The following CNTNAP2 variants were observed in gnomAD, a reference collection of about 807,000 sequenced individuals.
CNTNAP2 encodes the protein contactin-associated protein-like 2.
CNTNAP2 carries 98 observed loss-of-function variants against 155.2 expected under a neutral mutation model. That is an observed-to-expected ratio of 0.63 (90% CI 0.54 to 0.75). The LOEUF is 0.75. Among genes scored for constraint, CNTNAP2 ranks in the 30% least tolerant of loss-of-function variants. The probability of loss-of-function intolerance (pLI) is 0.00; values close to 1 mark genes in which losing one functional copy is unlikely to be tolerated. For missense variants in CNTNAP2, 1,727 were observed against 1,688.1 expected (o/e 1.02, Z -0.40); for synonymous variants, 651 against 631.2 (o/e 1.03, Z -0.47).
At chr7:146,478,342 C>T (rs971892446) in intron 1 of CNTNAP2, among the ~76,000 whole-genome samples, 2 of 151,920 alleles carry the variant, frequency 1.3e-5, no homozygotes, top group South Asian at 2.1e-4. Flanking sequence ...CAAACATGCA[C>T]ACAAACAAAA....
chr7:146,830,946 T>C, intron 2 of CNTNAP2, among the ~76,000 whole-genome samples: 1 of 152,222 alleles, frequency 6.6e-6, no homozygotes, highest in East Asian at 1.9e-4. Flanking sequence ...AGCCATTTTT[T>C]AATCTACCTA....
chr7:147,570,057 G>C (rs1303396087), intron 12 of CNTNAP2, among the ~76,000 whole-genome samples: 2 of 152,236 alleles, frequency 1.3e-5, no homozygotes, highest in Non-Finnish European at 2.9e-5. Flanking sequence ...TCCAGGAGGA[G>C]CTCTCTGACT....
intron 21 of CNTNAP2, among the ~76,000 whole-genome samples, chr7:148,298,770 C>T (rs2116495165): frequency 6.6e-6 from 1 of 152,292 alleles, no homozygotes; most frequent in Non-Finnish European, 1.5e-5. Context: ...TGGCTTACTG[C>T]AGCCTGAAGC....
intron 1 of CNTNAP2, among the ~76,000 whole-genome samples, chr7:146,252,085 C>T (rs978918474): frequency 1.4e-4 from 21 of 152,268 alleles, no homozygotes; most frequent in African/African-American, 4.1e-4. Flanking sequence ...CAGTTTTCAA[C>T]GCAGAGGACA....
intron 10 of CNTNAP2, among the ~76,000 whole-genome samples, chr7:147,464,878 A>G (rs533957421): frequency 8.5e-5 from 13 of 152,362 alleles, no homozygotes; most frequent in African/African-American, 2.9e-4. Context: ...AAGACTGTGT[A>G]AACAATCTTC....
intron 1 of CNTNAP2, among the ~76,000 whole-genome samples, chr7:146,369,522 G>A (rs1463640404): frequency 7.2e-5 from 11 of 152,132 alleles, no homozygotes; most frequent in South Asian, 2.1e-4. Flanking sequence ...AGGAATTTAC[G>A]TTTTCAGTTA....
intron 1 of CNTNAP2, among the ~76,000 whole-genome samples, chr7:146,692,262 A>G (rs1487855906): frequency 6.6e-6 from 1 of 152,146 alleles, no homozygotes; most frequent in Non-Finnish European, 1.5e-5. Context: ...TGAGCATGTA[A>G]AATGCATTTA....
In CNTNAP2 at chr7:148,302,580, G is replaced by A. The variant is rs113427154; in HGVS notation, c.3475+35454G>A. 2.8e-3 allele frequency among the ~76,000 whole-genome samples: 429 copies of A among 152,252 alleles called. 2 individuals carry two copies. The highest frequency in any genetic ancestry group is 9.8e-3 in the African/African-American group (409 of 41,558). On this transcript the variant is annotated intron_variant, in intron 21 of 23. Transcript: ENST00000361727. ...CCCATGTGTCAAGGGGGGACCTGGT[G>A]GGAGATGGTTGGATCATGAGGGTGG...
At chr7:146,490,215 A>G (rs908851240) in intron 1 of CNTNAP2, among the ~76,000 whole-genome samples, 3 of 152,338 alleles carry the variant, frequency 2.0e-5, no homozygotes, top group African/African-American at 7.2e-5. Flanking sequence ...AACTCAACAA[A>G]TATTTATTGA....
At chr7:147,406,149 T>G (rs1263241422) in intron 10 of CNTNAP2, among the ~76,000 whole-genome samples, 1 of 152,172 alleles carries the variant, frequency 6.6e-6, no homozygotes. Flanking sequence ...TCTTTTTGCT[T>G]TCTCTTTTTG....
rs748967560 is a variant in CNTNAP2, at chr7:147,502,696, G to A, written c.1777+16655G>A. Among the ~76,000 whole-genome samples, 98 of 150,344 alleles carry A rather than the reference G, an allele frequency of 6.5e-4. 1 individual carries two copies. Among genetic ancestry groups the A allele is most frequent in the Non-Finnish European group, 1.3e-3 (89 of 67,726 alleles). ...AGTTGATGGGTGTGTTAATTAACCC[G>A]ATTGTGGTAATCATTTCACAATGTG... On this transcript the variant is annotated intron_variant, in intron 11 of 23. Coordinates refer to ENST00000361727, the MANE Select transcript of CNTNAP2 (RefSeq NM_014141.6).
At chr7:146,153,077 G>T (rs1204792936) in intron 1 of CNTNAP2, among the ~76,000 whole-genome samples, 1 of 152,060 alleles carries the variant, frequency 6.6e-6, no homozygotes, top group Non-Finnish European at 1.5e-5. Context: ...GTAAAATCAA[G>T]GTGTATATCA....
At chr7:147,851,678 C>T (rs555372846) in intron 13 of CNTNAP2, among the ~76,000 whole-genome samples, 7 of 149,264 alleles carry the variant, frequency 4.7e-5, no homozygotes, top group Admixed American at 2.0e-4. Flanking sequence ...CCAAACACCA[C>T]GTGTTCTCAC....
chr7:148,193,138 T>C (rs922461577), intron 18 of CNTNAP2, among the ~76,000 whole-genome samples: 9 of 152,254 alleles, frequency 5.9e-5, no homozygotes, highest in Non-Finnish European at 1.3e-4. Flanking sequence ...GCAAATATTT[T>C]TCCTACATGG....
At chr7:146,649,972 C>A (rs1364683380) in intron 1 of CNTNAP2, among the ~76,000 whole-genome samples, 1 of 152,176 alleles carries the variant, frequency 6.6e-6, no homozygotes, top group Non-Finnish European at 1.5e-5. Context: ...GGTACCATCT[C>A]ATGCCAGTTA....
intron 7 of CNTNAP2, 100 bp downstream of exon 7, chr7:147,128,936 C>A (rs1801295391): frequency 4.7e-6 from 7 of 1,501,560 alleles, no homozygotes; most frequent in African/African-American, 1.4e-5. Flanking sequence ...CATTTTTCAT[C>A]ATATTTGTGT....
intron 8 of CNTNAP2, among the ~76,000 whole-genome samples, chr7:147,164,988 T>C (rs1584765965): frequency 6.6e-6 from 1 of 152,302 alleles, no homozygotes; most frequent in East Asian, 1.9e-4. Context: ...GACTGAATCT[T>C]ATAAGACAAT....
chr7:147,538,035 G>T (rs560797353), intron 11 of CNTNAP2, among the ~76,000 whole-genome samples: 2 of 152,280 alleles, frequency 1.3e-5, no homozygotes, highest in South Asian at 4.1e-4. Context: ...CTGAGTTAGT[G>T]GTGACTGTTT....
At chr7:147,332,539 A>T (rs901017553) in intron 9 of CNTNAP2, among the ~76,000 whole-genome samples, 1 of 152,114 alleles carries the variant, frequency 6.6e-6, no homozygotes, top group Non-Finnish European at 1.5e-5. Flanking sequence ...CAGAGAAAAT[A>T]GCTGAAAAAA....
Sources: gnomAD v4.1 joint callset for allele counts (sites outside exome capture counted in the v4.1 genomes callset) on GRCh38, gnomAD v4.1.1 for gene constraint, MANE v1.5 for transcripts, NCBI Gene and HGNC (gene_info 2026-07-23, HGNC 2026-07-21) for gene names.